The following MRTFB variants were observed in gnomAD, a reference collection of about 807,000 sequenced individuals.
The protein encoded by MRTFB is myocardin-related transcription factor B.
MRTFB carries 29 observed loss-of-function variants against 104.2 expected under a neutral mutation model. The observed-to-expected ratio is 0.28, with a 90% CI of 0.21 to 0.38. MRTFB has a LOEUF of 0.38. MRTFB is among the 10% of genes least tolerant of loss of function. The pLI is 1.00. For missense variants in MRTFB, 1,270 were observed against 1,341.6 expected, an observed-to-expected ratio of 0.95 and a Z score of 0.83; for synonymous variants, 535 against 519.5, an observed-to-expected ratio of 1.03 and a Z score of -0.41.
intron 1 of MRTFB, among the ~76,000 whole-genome samples, chr16:14,074,784 C>T (rs933789603): frequency 2.6e-5 from 4 of 152,166 alleles, no homozygotes; most frequent in African/African-American, 9.7e-5. Context: ...CTGGACCCTT[C>T]CATTTAAACT....
At chr16:14,136,300 A>G (rs989866858) in intron 2 of MRTFB, among the ~76,000 whole-genome samples, 4 of 152,084 alleles carry the variant, frequency 2.6e-5, no homozygotes, top group Non-Finnish European at 5.9e-5. Context: ...AAAAGTTCCT[A>G]AATAGCACTT....
intron 3 of MRTFB, among the ~76,000 whole-genome samples, chr16:14,198,176 CTG>C (rs1382359844): frequency 2.0e-5 from 3 of 152,186 alleles, no homozygotes; most frequent in Non-Finnish European, 2.9e-5. Context: ...ATTTTTATGA[CTG>C]AATAATATTC....
At chr16:14,136,136 G>A (rs895632138) in intron 2 of MRTFB, among the ~76,000 whole-genome samples, 33 of 152,098 alleles carry the variant, frequency 2.2e-4, no homozygotes, top group African/African-American at 6.3e-4. Context: ...TTAGCCGGGC[G>A]TGGTGGTGGT....
chr16:14,251,936 C>T lies in MRTFB; in HGVS notation c.2478C>T (p.Pro826=), dbSNP rs776174357. 1.2e-6 allele frequency: 2 copies of T among 1,614,160 alleles called. No individual in the cohort carries two copies. Among genetic ancestry groups the T allele is most frequent in the African/African-American group, 2.7e-5 (2 of 75,038 alleles). The change falls in exon 14 of 17, where the codon CCC becomes CCT. Residue 826 remains proline (P), a synonymous_variant. Transcript: ENST00000571589. ...QRHPAPAVQQ[P]FINKASNSVL... ...ATCCTGCCCCAGCTGTCCAGCAGCC[C>T]TTTATCAATAAGGCCTCCAACAGTG...
chr16:14,008,283 C>G, the MRTFB span, among the ~76,000 whole-genome samples: 1 of 152,156 alleles, frequency 6.6e-6, no homozygotes, highest in Non-Finnish European at 1.5e-5. Context: ...ATTGACTAAT[C>G]CAAGGTCATG....
chr16:14,140,314 A>C (rs1236623004), intron 2 of MRTFB, among the ~76,000 whole-genome samples: 4 of 152,214 alleles, frequency 2.6e-5, no homozygotes, highest in African/African-American at 9.6e-5. Flanking sequence ...GGTATTAAAA[A>C]ATATACAAAA....
At chr16:14,008,730 T>C in the MRTFB span, among the ~76,000 whole-genome samples, 1 of 152,188 alleles carries the variant, frequency 6.6e-6, no homozygotes, top group African/African-American at 2.4e-5. Context: ...TAGCTGGTAT[T>C]TTGAAAGGAT....
chr16:14,048,240 G>A, the MRTFB span, among the ~76,000 whole-genome samples: 1 of 152,310 alleles, frequency 6.6e-6, no homozygotes, highest in East Asian at 1.9e-4. Flanking sequence ...GTCTTGGGCA[G>A]GCACTGATGG....
At chr16:14,014,812 T>C in the MRTFB span, among the ~76,000 whole-genome samples, 4 of 152,176 alleles carry the variant, frequency 2.6e-5, no homozygotes, top group Non-Finnish European at 5.9e-5. Flanking sequence ...GAGGTTGTAG[T>C]GAGCTGAGAT....
intron 10 of MRTFB, chr16:14,241,015 C>G (rs761871656): frequency 2.0e-6 from 1 of 508,574 alleles, no homozygotes; most frequent in Non-Finnish European, 3.4e-6. Context: ...ATTGCCTAAA[C>G]AAAGAATCTG....
intron 6 of MRTFB, among the ~76,000 whole-genome samples, chr16:14,216,115 G>C (rs527866263): frequency 6.6e-6 from 1 of 152,332 alleles, no homozygotes; most frequent in East Asian, 1.9e-4. Context: ...CTCACTTTTG[G>C]CAAGCATACA....
intron 3 of MRTFB, among the ~76,000 whole-genome samples, chr16:14,165,187 T>C (rs765351701): frequency 1.6e-4 from 24 of 152,010 alleles, no homozygotes; most frequent in East Asian, 5.8e-4. Context: ...TTGCTTGATA[T>C]ATTGCTGCAA....
In MRTFB at chr16:14,127,911, ATATATATATATATATATATTTTTTTT is replaced by A. The variant is rs1452079968; in HGVS notation, c.-63-12631_-63-12606del. On this transcript the variant is annotated intron_variant, in intron 2 of 16. Transcript: ENST00000571589. ...TTTTAGCAAAACTGAATATATATATATATATATATATATATATATTTTTTTTTTTTTTTTTTTTTTCTTTTTTTCCC... is the reference window on the plus strand; with the variant it reads ...TTTTAGCAAAACTGAATATATATATATTTTTTTTTTTTTTCTTTTTTTCCC... Among the ~76,000 whole-genome samples the A allele has an allele frequency of 4.4e-3, 238 of 53,586 alleles. 1 individual carries two copies. Among genetic ancestry groups the A allele is most frequent in the African/African-American group, 0.02 (227 of 11,198 alleles). 35.2% of individuals were successfully genotyped at this position (53,586 alleles called of 152,430 possible).
chr16:14,099,750 C>T (rs188782462), intron 2 of MRTFB, among the ~76,000 whole-genome samples: 249 of 151,820 alleles, frequency 1.6e-3, no homozygotes, highest in Middle Eastern at 3.4e-3. Context: ...TCACTGCAGC[C>T]TCCGCCTCCT....
At chr16:14,179,553 G>A (rs1030720411) in intron 3 of MRTFB, among the ~76,000 whole-genome samples, 4 of 152,160 alleles carry the variant, frequency 2.6e-5, no homozygotes, top group African/African-American at 9.7e-5. Context: ...TTATGTCCTA[G>A]TGCTTGTTCT....
chr16:14,232,427 A>G lies in MRTFB; in HGVS notation c.694-1719A>G, dbSNP rs144448271. Reference sequence around the variant, plus strand: ...ATGAGGCTTGGTTGGTCGGAGATTCACTGAGGAGCCAGATGTCTCAGGGCT... The same window carrying G: ...ATGAGGCTTGGTTGGTCGGAGATTCGCTGAGGAGCCAGATGTCTCAGGGCT... On this transcript the variant is annotated intron_variant, in intron 8 of 16. Transcript: ENST00000571589. Among the ~76,000 whole-genome samples, 546 of 152,316 alleles carry G rather than the reference A, an allele frequency of 3.6e-3. 3 individuals carry two copies. The highest frequency in any genetic ancestry group is 0.013 in the African/African-American group (528 of 41,562).
At chr16:14,242,132 C>T (rs1373224559) in intron 10 of MRTFB, among the ~76,000 whole-genome samples, 42 of 151,952 alleles carry the variant, frequency 2.8e-4, no homozygotes, top group Admixed American at 2.4e-3. Context: ...CAGATGAGGA[C>T]GCTGTTATAA....
At chr16:14,134,718 C>G (rs1413224606) in intron 2 of MRTFB, among the ~76,000 whole-genome samples, 1 of 152,180 alleles carries the variant, frequency 6.6e-6, no homozygotes, top group African/African-American at 2.4e-5. Flanking sequence ...TCCCATCACC[C>G]CACTCCCCAA....
intron 13 of MRTFB, among the ~76,000 whole-genome samples, chr16:14,251,018 G>A (rs532311030): frequency 6.6e-6 from 1 of 152,164 alleles, no homozygotes; most frequent in Admixed American, 6.5e-5. Context: ...TGGCTTTGAC[G>A]CCTGGGAGCA....
Sources: allele counts gnomAD v4.1 joint callset (sites outside exome capture counted in the v4.1 genomes callset), GRCh38; gene constraint gnomAD v4.1.1; transcripts MANE v1.5; gene names NCBI Gene and HGNC (gene_info 2026-07-23, HGNC 2026-07-21).